The following TTC21A variants were observed in gnomAD, a reference collection of about 807,000 sequenced individuals.
TTC21A encodes the protein tetratricopeptide repeat protein 21A.
In TTC21A, 128 loss-of-function variants were observed where a neutral mutation model predicts 156.4. The observed-to-expected ratio is 0.82, with a 90% CI of 0.71 to 0.95. TTC21A has a LOEUF of 0.95. Among genes scored for constraint, TTC21A ranks in the 40% least tolerant of loss-of-function variants. The pLI, the probability that TTC21A is intolerant of heterozygous loss-of-function variation, is 0.00. For synonymous variants in TTC21A, 587 were observed against 617.1 expected, an observed-to-expected ratio of 0.95 and a Z score of 0.72; for missense variants, 1,435 against 1,602.3, an observed-to-expected ratio of 0.90 and a Z score of 1.78.
In TTC21A at chr3:39,128,915, C is replaced by T. The variant is rs753105759; in HGVS notation, c.1879C>T (p.Arg627Trp). Reference protein sequence around the residue: ...SILLELVEALRLNGELHEATK... With the variant: ...SILLELVEALWLNGELHEATK... Reference sequence around the variant, plus strand: ...CTTATTGGAACTGGTGGAGGCCCTCCGGCTGAATGGGGAGCTAGTAAGAAA... The same window carrying T: ...CTTATTGGAACTGGTGGAGGCCCTCTGGCTGAATGGGGAGCTAGTAAGAAA... The change falls in exon 14 of 29, where the codon CGG becomes TGG. Residue 627 changes from arginine to tryptophan, a missense_variant. Arg to Trp is a moderately radical substitution (Grantham distance 101, BLOSUM62 -3). Transcript: ENST00000683103. 17 of 1,614,078 alleles carry T rather than the reference C, an allele frequency of 1.1e-5. No homozygotes were observed. The highest frequency in any genetic ancestry group is 6.7e-5 in the Admixed American group (4 of 60,008).
chr3:39,113,908 A>G (rs921771793), intron 5 of TTC21A, among the ~76,000 whole-genome samples: 40 of 152,198 alleles, frequency 2.6e-4, no homozygotes, highest in African/African-American at 9.7e-4. Context: ...TCTTGTTTTT[A>G]ATGACGAGTC....
chr3:39,117,405 A>G lies in TTC21A; in HGVS notation c.717-664A>G, dbSNP rs976739530. 3.3e-5 allele frequency among the ~76,000 whole-genome samples: 5 copies of G among 152,328 alleles called. No homozygotes were observed. The South Asian group carries it at 8.3e-4, about 25-fold the overall frequency. ...CTGAAAAATGGGAAAGAATCTTTCTATAAAGAAATAGAATATTGAAAACCT... is the reference window on the plus strand; with the variant it reads ...CTGAAAAATGGGAAAGAATCTTTCTGTAAAGAAATAGAATATTGAAAACCT... On this transcript the variant is annotated intron_variant, in intron 6 of 28. Coordinates refer to ENST00000683103, the MANE Select transcript of TTC21A (RefSeq NM_001366900.1).
Position 39,138,872 on chromosome 3 carries a change from G to C in TTC21A, c.*84G>C, listed in dbSNP as rs759747935. ...GATGGAAAGTGGGTCAGTGGAGAAG[G>C]GATTCAGAAAATGACACATTCTTCC... On this transcript the variant is annotated 3_prime_UTR_variant, in exon 29 of 29. Transcript: ENST00000683103. The C allele has an allele frequency of 2.5e-5, 29 of 1,143,104 alleles. No homozygotes were observed. Among genetic ancestry groups the C allele is most frequent in the Non-Finnish European group, 3.7e-5 (29 of 785,092 alleles). The allele number at this position is 1,143,104 out of a possible 1,614,324, so 70.8% of individuals were successfully genotyped here. A position where few individuals can be genotyped will look rare whatever the true frequency, so the allele number is the denominator to read the frequency against.
chr3:39,124,660 A>AAAAAAAAAAAAAAAG (rs2038065230), intron 9 of TTC21A, among the ~76,000 whole-genome samples: 1 of 148,366 alleles, frequency 6.7e-6, no homozygotes, highest in Non-Finnish European at 1.5e-5. Context: ...CTCCGTCTCA[A>AAAAAAAAAAAAAAAG]AAAAAAAAAA....
At position 39,137,216 on chromosome 3, in the gene TTC21A, G is replaced by A. The variant is rs771833184; in HGVS notation, c.3279G>A (p.Leu1093=). 6.2e-7 allele frequency: 1 copy of A among 1,613,502 alleles called. No homozygotes were observed. Among genetic ancestry groups the A allele is most frequent in the Non-Finnish European group, 8.5e-7 (1 of 1,179,642 alleles). ...GCAGCTACATGGAGAAGAAGGAGTT[G>A]GAGCAGCAGGGTGTGAGCACCGCCG... ...AESNYMEKKE[L]EQQGVSTAEK... Residue 1093 remains leucine (L), a synonymous_variant, in exon 25 of 29, where the codon TTG becomes TTA. Transcript: ENST00000683103.
chr3:39,138,742 T>A lies in TTC21A; in HGVS notation c.3896T>A (p.Ile1299Asn). ...VLREHPDYPK[I>N]REEILEKARR... ...AGGGAGCACCCCGACTACCCCAAGA[T>A]CAGGGAGGAAATTTTGGAAAAGGCC... The change falls in exon 29 of 29, where the codon ATC becomes AAC. Residue 1299 changes from isoleucine to asparagine, a missense_variant. Physicochemically the swap from Ile to Asn is moderately radical, Grantham distance 149. Coordinates refer to ENST00000683103, the MANE Select transcript of TTC21A (RefSeq NM_001366900.1). 6.2e-7 allele frequency: 1 copy of A among 1,614,014 alleles called. No individual in the cohort carries two copies. Among genetic ancestry groups the A allele is most frequent in the Non-Finnish European group, 8.5e-7 (1 of 1,179,982 alleles).
At chr3:39,126,184 G>A in intron 11 of TTC21A, 77 bp from the exon 12 acceptor site, 1 of 1,568,560 alleles carries the variant, frequency 6.4e-7, no homozygotes, top group East Asian at 2.3e-5. Context: ...TTCACTGAGA[G>A]CATTTTCTGA....
In TTC21A at chr3:39,121,206, C is replaced by A; in HGVS notation, c.1093+17C>A. 1.9e-6 allele frequency: 3 copies of A among 1,601,596 alleles called. No homozygotes were observed. The highest frequency in any genetic ancestry group is 8.5e-7 in the Non-Finnish European group (1 of 1,172,364). ...GTTTGACAGGTATATGCAGGTGTGGCAGGGCTCAGGGATGGGTGTCGGGAG... is the reference window on the plus strand; with the variant it reads ...GTTTGACAGGTATATGCAGGTGTGGAAGGGCTCAGGGATGGGTGTCGGGAG... On this transcript the variant is annotated intron_variant, in intron 9 of 28. Coordinates refer to ENST00000683103, the MANE Select transcript of TTC21A (RefSeq NM_001366900.1).
chr3:39,130,251 G>A lies in TTC21A; in HGVS notation c.2212G>A (p.Glu738Lys), dbSNP rs746350162. The A allele has an allele frequency of 2.8e-5, 45 of 1,613,246 alleles. No individual in the cohort carries two copies. Among genetic ancestry groups the A allele is most frequent in the Middle Eastern group, 1.6e-4 (1 of 6,080 alleles). The change falls in exon 17 of 29, where the codon GAG becomes AAG. Residue 738 changes from glutamate (E) to lysine (K), a missense_variant. Transcript: ENST00000683103. This position sits in a 1 kb window ranked among gnomAD's most constrained non-coding sequence, Gnocchi z 4.5. ...GDALMSILEP[E>K]KALEVYDEAY... ...CCAAAGACACTTTCCCCACCAGCCC[G>A]AGAAGGCCCTGGAGGTCTATGATGA...
chr3:39,138,481 C>G (rs1575570378), intron 27 of TTC21A, 75 bp from the exon 28 acceptor site: 1 of 1,613,724 alleles, frequency 6.2e-7, no homozygotes, highest in Non-Finnish European at 8.5e-7. Context: ...GGCCTGTACC[C>G]TGGCTGTTAT....
At chr3:39,119,861 A>G (rs1275262078) in intron 7 of TTC21A, 61 bp from the exon 8 acceptor site, 13 of 1,207,874 alleles carry the variant, frequency 1.1e-5, no homozygotes, top group Non-Finnish European at 1.5e-5. Context: ...AGGGTTGAGA[A>G]CCACGGCGCA....
At chr3:39,115,310 C>T (rs1343194140) in intron 6 of TTC21A, among the ~76,000 whole-genome samples, 1 of 150,842 alleles carries the variant, frequency 6.6e-6, no homozygotes, top group Non-Finnish European at 1.5e-5. Context: ...ATGACAGCCG[C>T]TTTGGGGAGG....
At chr3:39,107,959 T>G in intron 1 of TTC21A, 95 bp downstream of exon 1, 1 of 1,485,006 alleles carries the variant, frequency 6.7e-7, no homozygotes, top group Non-Finnish European at 9.3e-7. Context: ...CACCCTTCGC[T>G]GTCCTCAGTT....
rs1318741934 is a variant in TTC21A, at chr3:39,120,064, C to T, written c.900+44C>T. 3 of 1,401,344 alleles carry T rather than the reference C, an allele frequency of 2.1e-6. No individual in the cohort carries two copies. In the South Asian group the frequency reaches 3.5e-5, roughly 16 times the overall value. The allele number at this position is 1,401,344 out of a possible 1,614,324, so 86.8% of individuals were successfully genotyped here. Reference sequence around the variant, plus strand: ...GGTTCTGAAATGGTGCTTCTCCCTGCTTTCCTTAGAGGAGAACTGTGCTCC... The same window carrying T: ...GGTTCTGAAATGGTGCTTCTCCCTGTTTTCCTTAGAGGAGAACTGTGCTCC... On this transcript the variant is annotated intron_variant, in intron 8 of 28. Transcript: ENST00000683103.
rs549453853 is a variant in TTC21A, at chr3:39,128,247, A to T, written c.1523-84A>T. The T allele has an allele frequency of 2.1e-6, 3 of 1,440,362 alleles. No homozygotes were observed. The South Asian group carries it at 3.8e-5, about 18-fold the overall frequency. The allele number at this position is 1,440,362 out of a possible 1,614,324, so 89.2% of individuals were successfully genotyped here. On this transcript the variant is annotated intron_variant, in intron 12 of 28. Transcript: ENST00000683103. Reference sequence around the variant, plus strand: ...TTTGTATATTTCTGGGGAACAGGACATGTAAAATTCATTCTGCCCTTGCAT... The same window carrying T: ...TTTGTATATTTCTGGGGAACAGGACTTGTAAAATTCATTCTGCCCTTGCAT...
chr3:39,128,276 A>G, intron 12 of TTC21A, 55 bp from the exon 13 acceptor site: 5 of 1,567,508 alleles, frequency 3.2e-6, no homozygotes, highest in Non-Finnish European at 4.4e-6. Context: ...CTTGCATATC[A>G]GGTCTTAGGA....
intron 9 of TTC21A, among the ~76,000 whole-genome samples, chr3:39,122,578 G>C (rs955944982): frequency 6.6e-6 from 1 of 152,146 alleles, no homozygotes; most frequent in African/African-American, 2.4e-5. Flanking sequence ...AGCATGCCAC[G>C]GGGCAGTGAG....
chr3:39,132,459 G>C (rs1249232559), intron 19 of TTC21A, among the ~76,000 whole-genome samples: 2 of 152,196 alleles, frequency 1.3e-5, no homozygotes, highest in Non-Finnish European at 2.9e-5. Context: ...TGTGCTTCTA[G>C]AGGGAGGGCC....
chr3:39,115,322 T>A (rs573558193), intron 6 of TTC21A, among the ~76,000 whole-genome samples: 1 of 149,050 alleles, frequency 6.7e-6, no homozygotes, highest in Non-Finnish European at 1.5e-5. Flanking sequence ...TTGGGGAGGG[T>A]GTTTGATGCA....
Sources: allele counts gnomAD v4.1 joint callset (sites outside exome capture counted in the v4.1 genomes callset), GRCh38; gene constraint gnomAD v4.1.1; non-coding constraint Gnocchi (gnomAD v3.1); transcripts MANE v1.5; gene names NCBI Gene and HGNC (gene_info 2026-07-23, HGNC 2026-07-21).